The following ANKHD1 variants were observed in gnomAD, a reference collection of about 807,000 sequenced individuals.
ANKHD1 encodes the protein ankyrin repeat and KH domain containing 1.
In ANKHD1, 31 loss-of-function variants were observed where a neutral mutation model predicts 230.5. The observed-to-expected ratio is 0.13, with a 90% CI of 0.10 to 0.18. ANKHD1 has a LOEUF of 0.18. ANKHD1 is among the 10% of genes least tolerant of loss of function. The pLI, the probability that ANKHD1 is intolerant of heterozygous loss-of-function variation, is 1.00. For synonymous variants in ANKHD1, 1,074 were observed against 1,117.6 expected, an observed-to-expected ratio of 0.96 and a Z score of 0.78; for missense variants, 2,256 against 3,071.3, an observed-to-expected ratio of 0.73 and a Z score of 6.27.
In ANKHD1 at chr5:140,528,697, C is replaced by T. The variant is rs149368100; in HGVS notation, c.5751C>T (p.Asn1917=). 62 of 1,614,056 alleles carry T rather than the reference C, an allele frequency of 3.8e-5. No homozygotes were observed. The highest frequency in any genetic ancestry group is 1.8e-4 in the East Asian group (8 of 44,896). ...HNNTSRLPNQ[N]GTVLPSESAG... Reference sequence around the variant, plus strand: ...ACACAAGCCGTCTACCTAACCAGAACGGGACTGTTTTACCCTCAGAGTCTG... The same window carrying T: ...ACACAAGCCGTCTACCTAACCAGAATGGGACTGTTTTACCCTCAGAGTCTG... Residue 1917 remains asparagine, a synonymous_variant, in exon 29 of 34, where the codon AAC becomes AAT. Transcript: ENST00000360839.
rs1406330269 is a variant in ANKHD1 at position 140,529,131 on chromosome 5, C to T, written c.6185C>T (p.Pro2062Leu). ...TCTGCCAGCAACACCCCGGGAGCTC[C>T]AGAAACTCACCCATCCAGTAGTCCC... ...SSSASNTPGAPETHPSSSPTP... is the reference protein window; with the variant it reads ...SSSASNTPGALETHPSSSPTP... The change falls in exon 29 of 34, where the codon CCA becomes CTA. Residue 2062 changes from proline (P) to leucine (L), a missense_variant. Coordinates refer to ENST00000360839, the MANE Select transcript of ANKHD1 (RefSeq NM_017747.3). The T allele has an allele frequency of 2.5e-6, 4 of 1,614,008 alleles. No individual in the cohort carries two copies. The Admixed American group carries it at 6.7e-5, about 27-fold the overall frequency.
intron 15 of ANKHD1, among the ~76,000 whole-genome samples, chr5:140,502,049 A>C (rs1752330697): frequency 6.6e-6 from 1 of 152,000 alleles, no homozygotes; most frequent in African/African-American, 2.4e-5. Context: ...AAAAAAAAAA[A>C]AAAAAAGCAT....
In ANKHD1 at chr5:140,528,378, C is replaced by G. The variant is rs1052816877; in HGVS notation, c.5432C>G (p.Ala1811Gly). Reference protein sequence around the residue: ...ASSKNAFPLGAPTLVTSQATT... With the variant: ...ASSKNAFPLGGPTLVTSQATT... ...AGTAAAAATGCATTTCCTTTGGGTG[C>G]TCCAACTCTTGTAACTTCACAGGCA... The change falls in exon 29 of 34, where the codon GCT becomes GGT. Residue 1811 changes from alanine to glycine, a missense_variant. Around this residue, in one of 13 missense-constraint regions of ANKHD1, gnomAD observed 778 missense variants for 966.5 expected, o/e 0.80. Coordinates refer to ENST00000360839, the MANE Select transcript of ANKHD1 (RefSeq NM_017747.3). The G allele has an allele frequency of 1.2e-6, 2 of 1,614,088 alleles. No individual in the cohort carries two copies. The highest frequency in any genetic ancestry group is 1.7e-6 in the Non-Finnish European group (2 of 1,180,020).
chr5:140,500,666 A>G (rs961221749), intron 15 of ANKHD1, among the ~76,000 whole-genome samples: 1 of 26,324 alleles, frequency 3.8e-5, no homozygotes, highest in Non-Finnish European at 1.0e-4. Flanking sequence ...AAAAAAAAAA[A>G]AAAGAAAAGA....
At chr5:140,411,855 G>T (rs1770954689) in intron 1 of ANKHD1, among the ~76,000 whole-genome samples, 1 of 149,608 alleles carries the variant, frequency 6.7e-6, no homozygotes, top group Non-Finnish European at 1.5e-5. Flanking sequence ...TTGAGACAGG[G>T]TCCCGTTATG....
rs951144535 is a variant in ANKHD1 at position 140,421,331 on chromosome 5, G to A, written c.307-14773G>A. Among the ~76,000 whole-genome samples, 5 of 125,932 alleles carry A rather than the reference G, an allele frequency of 4.0e-5. No homozygotes were observed. The East Asian group carries it at 9.2e-4, about 23-fold the overall frequency. The allele number at this position is 125,932 out of a possible 152,430, so 82.6% of individuals were successfully genotyped here. ...TTTTTTTTTTTTTTGAGACAGTTTC[G>A]CTCTTGTCGCCCAGGCTGGCGTGCA... On this transcript the variant is annotated intron_variant, in intron 1 of 33. Transcript: ENST00000360839.
intron 2 of ANKHD1, among the ~76,000 whole-genome samples, chr5:140,436,680 A>C (rs565763717): frequency 1.3e-5 from 2 of 149,860 alleles, no homozygotes; most frequent in African/African-American, 4.9e-5. Flanking sequence ...CTAGAGGGGG[A>C]GGTTTCAGTG....
chr5:140,431,153 A>T (rs1773013976), intron 1 of ANKHD1, among the ~76,000 whole-genome samples: 1 of 152,230 alleles, frequency 6.6e-6, no homozygotes, highest in African/African-American at 2.4e-5. Context: ...AGTTATAAAG[A>T]GGGTGGGACA....
intron 1 of ANKHD1, among the ~76,000 whole-genome samples, chr5:140,410,310 A>G (rs1018318518): frequency 2.2e-4 from 33 of 152,302 alleles, no homozygotes; most frequent in Middle Eastern, 3.4e-3. Flanking sequence ...TTAAAAAATT[A>G]AAGTGATAAA....
intron 1 of ANKHD1, among the ~76,000 whole-genome samples, chr5:140,419,732 T>TTC (rs1303610162): frequency 1.3e-5 from 2 of 151,698 alleles, no homozygotes; most frequent in African/African-American, 2.4e-5. Context: ...TTTTCTTTCT[T>TTC]TCTCTCTCTC....
chr5:140,457,456 A>G (rs1449635174), intron 7 of ANKHD1, among the ~76,000 whole-genome samples: 1 of 152,258 alleles, frequency 6.6e-6, no homozygotes, highest in Non-Finnish European at 1.5e-5. Flanking sequence ...AACCAAGCCA[A>G]ATGTCCATCA....
chr5:140,513,162 G>T (rs1752839428), intron 23 of ANKHD1, among the ~76,000 whole-genome samples: 1 of 152,188 alleles, frequency 6.6e-6, no homozygotes, highest in Non-Finnish European at 1.5e-5. Flanking sequence ...TTAGCCTAAT[G>T]AGAAGGCTTC....
rs1754197011 is a variant in ANKHD1, at chr5:140,539,069, A to G, written c.7555A>G (p.Thr2519Ala). The change falls in exon 33 of 34, where the codon ACT becomes GCT. Residue 2519 changes from threonine (T) to alanine (A), a missense_variant. This residue lies in a region of ANKHD1 where 778 missense variants were observed against 966.5 expected (regional missense o/e 0.80). Coordinates refer to ENST00000360839, the MANE Select transcript of ANKHD1 (RefSeq NM_017747.3). The stretch of plus-strand genomic sequence containing the variant: ...AGTTATCCAAAATTCAACTGAATGC[A>G]CTGATGCCCAGCAGGTAAAATGGGC... Reference protein sequence around the residue: ...IKVIQNSTECTDAQQIWPGTW... With the variant: ...IKVIQNSTECADAQQIWPGTW... The G allele has an allele frequency of 1.9e-6, 3 of 1,604,356 alleles. No individual in the cohort carries two copies. Among genetic ancestry groups the G allele is most frequent in the South Asian group, 1.1e-5 (1 of 88,758 alleles).
intron 6 of ANKHD1, among the ~76,000 whole-genome samples, chr5:140,447,663 T>C (rs1581258843): frequency 6.6e-6 from 1 of 152,202 alleles, no homozygotes; most frequent in Non-Finnish European, 1.5e-5. Context: ...AGTATGGCAG[T>C]TCCATTGTCA....
At chr5:140,415,634 TGCCATGTTG>T (rs1771309087) in intron 1 of ANKHD1, among the ~76,000 whole-genome samples, 2 of 151,402 alleles carry the variant, frequency 1.3e-5, no homozygotes, top group Admixed American at 6.6e-5. Context: ...ATAGGGGGTT[TGCCATGTTG>T]GCCAGGCTGG....
At chr5:140,442,940 C>G (rs533263328) in intron 5 of ANKHD1, among the ~76,000 whole-genome samples, 4 of 151,394 alleles carry the variant, frequency 2.6e-5, no homozygotes, top group Non-Finnish European at 4.4e-5. Context: ...GAGTCTCGCA[C>G]TGTTGCCCAG....
intron 7 of ANKHD1, among the ~76,000 whole-genome samples, chr5:140,457,663 T>C (rs1022587378): frequency 2.0e-5 from 3 of 151,848 alleles, no homozygotes; most frequent in African/African-American, 4.8e-5. Context: ...ATGAGAACAC[T>C]TGGACACAGG....
intron 7 of ANKHD1, among the ~76,000 whole-genome samples, chr5:140,455,073 ATAT>A (rs1010503512): frequency 4.6e-5 from 7 of 152,206 alleles, no homozygotes; most frequent in Non-Finnish European, 8.8e-5. Context: ...CCATCAGATA[ATAT>A]TATAAACACC....
intron 1 of ANKHD1, among the ~76,000 whole-genome samples, chr5:140,415,426 G>A (rs375833672): frequency 6.7e-6 from 1 of 149,108 alleles, no homozygotes; most frequent in African/African-American, 2.4e-5. Context: ...TTAAATTTAC[G>A]CCTTTGATAC....
Sources: allele counts gnomAD v4.1 joint callset (sites outside exome capture counted in the v4.1 genomes callset), GRCh38; gene constraint gnomAD v4.1.1; regional missense constraint gnomAD v4.1.1; transcripts MANE v1.5; gene names NCBI Gene and HGNC (gene_info 2026-07-23, HGNC 2026-07-21).